The following CD1E variants were observed in gnomAD, a reference collection of about 807,000 sequenced individuals.
CD1E encodes CD1e molecule.
In CD1E, 49 loss-of-function variants were observed where a neutral mutation model predicts 40.1. The observed-to-expected ratio is 1.22, with a 90% confidence interval of 0.97 to 1.55. CD1E has a LOEUF of 1.55. Among genes scored for constraint, CD1E ranks in the 40% most tolerant of loss-of-function variants. CD1E has a pLI of 0.00. For missense variants in CD1E, 492 were observed against 471.3 expected (o/e 1.04, Z -0.41); for synonymous variants, 189 against 178.3 (o/e 1.06, Z -0.48).
In CD1E at chr1:158,356,947, C is replaced by G. The variant is rs370135694; in HGVS notation, c.*51C>G. ...TCCTTGTCTGCATCTTCTTAAACAC[C>G]GTCCATGTCCCATAAGGGAAGCATG... On this transcript the variant is annotated 3_prime_UTR_variant, in exon 6 of 6. Transcript: ENST00000368167. The G allele has an allele frequency of 1.9e-4, 272 of 1,441,542 alleles. No individual in the cohort carries two copies. Among genetic ancestry groups the G allele is most frequent in the Middle Eastern group, 3.5e-4 (2 of 5,722 alleles). The allele number at this position is 1,441,542 out of a possible 1,614,324, so 89.3% of individuals were successfully genotyped here. A position where few individuals can be genotyped will look rare whatever the true frequency, so the allele number is the denominator to read the frequency against.
rs1386252309 is a variant in CD1E, at chr1:158,356,097, T to G, written c.896T>G (p.Ile299Ser). Residue 299 changes from isoleucine to serine, a missense_variant, in exon 4 of 6, where the codon ATC becomes AGC. By Grantham distance (142) the Ile-to-Ser change is moderately radical. Transcript: ENST00000368167. ...AGTCTAGGGGGCCATGATCTAATCA[T>G]CCATTGGGGTGAGAAACAGCTGAGG... is the stretch of plus-strand genomic sequence containing the variant. ...HSSLGGHDLIIHWGGYSIFLI... is the reference protein window; with the variant it reads ...HSSLGGHDLISHWGGYSIFLI... 2 of 1,613,488 alleles carry G rather than the reference T, an allele frequency of 1.2e-6. No individual in the cohort carries two copies. The highest frequency in any genetic ancestry group is 1.7e-6 in the Non-Finnish European group (2 of 1,179,724).
chr1:158,355,204 A>C (rs1295181175), intron 2 of CD1E, 96 bp from the exon 3 acceptor site: 1 of 1,272,578 alleles, frequency 7.9e-7, no homozygotes, highest in Non-Finnish European at 1.1e-6. Context: ...TTCCCAGCAA[A>C]TTTTTCTTCC....
At position 158,354,503 on chromosome 1, in the gene CD1E, T is replaced by G; in HGVS notation, c.185T>G (p.Leu62Arg). Residue 62 changes from leucine (L) to arginine (R), a missense_variant, in exon 2 of 6, where the codon CTG becomes CGG. By Grantham distance (102) the Leu-to-Arg change is moderately radical. Coordinates refer to ENST00000368167, the MANE Select transcript of CD1E (RefSeq NM_030893.4). Reference sequence around the variant, plus strand: ...GAGGGCTCAGGATGGCTGGGTGACCTGCAGACTCATGGCTGGGACACTGTC... The same window carrying G: ...GAGGGCTCAGGATGGCTGGGTGACCGGCAGACTCATGGCTGGGACACTGTC... Reference protein sequence around the residue: ...HSEGSGWLGDLQTHGWDTVLG... With the variant: ...HSEGSGWLGDRQTHGWDTVLG... 6.2e-7 allele frequency: 1 copy of G among 1,614,138 alleles called. No individual in the cohort carries two copies. The highest frequency in any genetic ancestry group is 8.5e-7 in the Non-Finnish European group (1 of 1,180,022).
intron 3 of CD1E, 81 bp downstream of exon 3, chr1:158,355,650 A>G: frequency 6.7e-7 from 1 of 1,496,744 alleles, no homozygotes; most frequent in Non-Finnish European, 9.0e-7. Flanking sequence ...CATCATTTTG[A>G]AAGACATAGT....
rs761235919 is a variant in CD1E at position 158,354,419 on chromosome 1, A to C, written c.101A>C (p.Gln34Pro). The change falls in exon 2 of 6, where the codon CAG becomes CCG. Residue 34 changes from glutamine (Q) to proline (P), a missense_variant. By Grantham distance (76) the Gln-to-Pro change is moderately conservative. Transcript: ENST00000368167. ...TCCTATCATCTAGCAGCAGAGGAGC[A>C]GCTGTCCTTCCGCATGCTCCAAACT... ...LQSYHLAAEE[Q>P]LSFRMLQTSS... The C allele has an allele frequency of 1.9e-6, 3 of 1,613,618 alleles. No individual in the cohort carries two copies. The African/African-American group carries it at 4.0e-5, about 22-fold the overall frequency.
In CD1E at chr1:158,355,345, C is replaced by T. The variant is rs746199464; in HGVS notation, c.401C>T (p.Pro134Leu). 1 of 1,613,940 alleles carries T rather than the reference C, an allele frequency of 6.2e-7. No individual in the cohort carries two copies. The highest frequency in any genetic ancestry group is 8.5e-7 in the Non-Finnish European group (1 of 1,179,880). ...QILAGCRMNA[P>L]QIFLNMAYQG... ...TTAGCTGGCTGTAGAATGAATGCCC[C>T]ACAAATCTTCTTAAATATGGCATAT... is the stretch of plus-strand genomic sequence containing the variant. The change falls in exon 3 of 6, where the codon CCA becomes CTA. Residue 134 changes from proline to leucine, a missense_variant. Pro to Leu is a moderately conservative substitution (Grantham distance 98, BLOSUM62 -3). Transcript: ENST00000368167.
In CD1E at chr1:158,354,641, T is replaced by G; in HGVS notation, c.323T>G (p.Val108Gly). 1 of 1,613,566 alleles carries G rather than the reference T, an allele frequency of 6.2e-7. No homozygotes were observed. Among genetic ancestry groups the G allele is most frequent in the South Asian group, 1.1e-5 (1 of 90,996 alleles). Residue 108 changes from valine (V) to glycine (G), a missense_variant, in exon 2 of 6, where the codon GTG becomes GGG. By Grantham distance (109) the Val-to-Gly change is moderately radical. Transcript: ENST00000368167. ...TACTTCCATAGTTTTATCCAGATAG[T>G]GCAAGCTTCTGCTGGTCAATTTCAG... Reference protein sequence around the residue: ...QLYFHSFIQIVQASAGQFQLE... With the variant: ...QLYFHSFIQIGQASAGQFQLE...
Position 158,355,995 on chromosome 1 carries a change from A to G in CD1E, c.794A>G (p.Glu265Gly). The change falls in exon 4 of 6, where the codon GAG (glutamate) becomes GGG (glycine). Residue 265 changes from glutamate to glycine, a missense_variant. Glu to Gly is a moderately conservative substitution (Grantham distance 98). Transcript: ENST00000368167. ...GGGGACGTCCTGCCTAATGCTGACG[A>G]GACATGGTATCTCCGAGCAACCCTG... ...QRGDVLPNAD[E>G]TWYLRATLDV... 6.2e-7 allele frequency: 1 copy of G among 1,614,122 alleles called. No individual in the cohort carries two copies. Among genetic ancestry groups the G allele is most frequent in the Non-Finnish European group, 8.5e-7 (1 of 1,180,030 alleles).
chr1:158,356,456 A>C, intron 4 of CD1E, 42 bp from the exon 5 acceptor site: 2 of 1,424,906 alleles, frequency 1.4e-6, no homozygotes, highest in Non-Finnish European at 2.0e-6. Context: ...TTGGTGGAAT[A>C]GAGTATTTTA....
In CD1E at chr1:158,356,899, T is replaced by C. The variant is rs1235233091; in HGVS notation, c.*3T>C. The C allele has an allele frequency of 2.5e-6, 4 of 1,613,154 alleles. No homozygotes were observed. Among genetic ancestry groups the C allele is most frequent in the Non-Finnish European group, 3.4e-6 (4 of 1,179,332 alleles). On this transcript the variant is annotated 3_prime_UTR_variant, in exon 6 of 6. Coordinates refer to ENST00000368167, the MANE Select transcript of CD1E (RefSeq NM_030893.4). ...CACGCCTAAACCAACTCTGGTGACA[T>C]TTGCTTTACCTTATACATAAAATCC... is the stretch of plus-strand genomic sequence containing the variant.
At chr1:158,356,462 T>A in intron 4 of CD1E, 36 bp from the exon 5 acceptor site, 1 of 1,473,670 alleles carries the variant, frequency 6.8e-7, no homozygotes, top group Non-Finnish European at 9.5e-7. Context: ...GAATAGAGTA[T>A]TTTAGGGTTG....
In CD1E at chr1:158,355,491, C is replaced by T; in HGVS notation, c.547C>T (p.Gln183Ter). 6.2e-7 allele frequency: 1 copy of T among 1,614,138 alleles called. No individual in the cohort carries two copies. Among genetic ancestry groups the T allele is most frequent in the Non-Finnish European group, 8.5e-7 (1 of 1,180,004 alleles). ...CTACCTAGATATTAAGGAAATACTG[C>T]AAAGCCTTCTTGGTCACACCTGCCC... ...NRYLDIKEIL[Q>*]SLLGHTCPRF... The change falls in exon 3 of 6, where the codon CAA becomes TAA. Residue 183 changes from glutamine to a stop codon, truncating the protein, a stop_gained. Transcript: ENST00000368167. LOFTEE classifies it high-confidence loss of function.
At chr1:158,355,246 T>C in intron 2 of CD1E, 54 bp from the exon 3 acceptor site, 1 of 1,559,476 alleles carries the variant, frequency 6.4e-7, no homozygotes, top group Non-Finnish European at 8.7e-7. Flanking sequence ...AATTGTTTGT[T>C]TTTCTTCCTT....
At chr1:158,356,382 G>T in intron 4 of CD1E, 116 bp from the exon 5 acceptor site, 1 of 892,228 alleles carries the variant, frequency 1.1e-6, no homozygotes, top group Non-Finnish European at 1.7e-6. Flanking sequence ...TGAAATGAGG[G>T]CTTTGGAAAA....
chr1:158,356,755 C>T lies in CD1E; in HGVS notation c.1026C>T (p.His342=). 10 of 1,613,758 alleles carry T rather than the reference C, an allele frequency of 6.2e-6. No homozygotes were observed. Among genetic ancestry groups the T allele is most frequent in the Non-Finnish European group, 7.6e-6 (9 of 1,179,948 alleles). The part of the protein sequence containing the change: ...QSSNKNILSP[H]TPSPVFLMGA... ...CAAATAAGAACATTCTTTCTCCCCA[C>T]ACACCCAGCCCTGTCTTTCTCATGG... Residue 342 remains histidine (H), a synonymous_variant, in exon 6 of 6, where the codon CAC becomes CAT. Transcript: ENST00000368167.
chr1:158,356,206 G>C (rs1653658811), intron 4 of CD1E, 101 bp downstream of exon 4: 1 of 1,313,706 alleles, frequency 7.6e-7, no homozygotes, highest in Non-Finnish European at 1.1e-6. Flanking sequence ...GTACAAGAAG[G>C]GTAAAACTGG....
At position 158,354,247 on chromosome 1, in the gene CD1E, A is replaced by G. The variant is rs1237573470; in HGVS notation, c.59-130A>G. 13 of 993,400 alleles carry G rather than the reference A, an allele frequency of 1.3e-5. No homozygotes were observed. The Admixed American group carries it at 3.0e-4, about 23-fold the overall frequency. 61.5% of individuals were successfully genotyped at this position (993,400 alleles called of 1,614,324 possible). On this transcript the variant is annotated intron_variant, in intron 1 of 5. Transcript: ENST00000368167. ...ATTTTGGAGAAAGGAAGCTGGCCCCACAGGAAAAGGGTATTGGAGTATGTA... is the reference window on the plus strand; with the variant it reads ...ATTTTGGAGAAAGGAAGCTGGCCCCGCAGGAAAAGGGTATTGGAGTATGTA...
chr1:158,354,169 C>G (rs1420266579), intron 1 of CD1E, 123 bp downstream of exon 1: 96 of 958,370 alleles, frequency 1.0e-4, no homozygotes, highest in Non-Finnish European at 1.1e-4. Flanking sequence ...ATATGCCTTT[C>G]AGGCTAGTTC....
At position 158,356,049 on chromosome 1, in the gene CD1E, T is replaced by G; in HGVS notation, c.848T>G (p.Leu283Arg). 1 of 1,614,044 alleles carries G rather than the reference T, an allele frequency of 6.2e-7. No homozygotes were observed. The highest frequency in any genetic ancestry group is 8.5e-7 in the Non-Finnish European group (1 of 1,179,944). The change falls in exon 4 of 6, where the codon CTG (leucine) becomes CGG (arginine). Residue 283 changes from leucine to arginine, a missense_variant. Transcript: ENST00000368167. ...LDVAAGEAAG[L>R]SCRVKHSSLG... The stretch of plus-strand genomic sequence containing the variant: ...GTGGCGGCTGGGGAGGCAGCTGGCC[T>G]GTCCTGTCGGGTGAAACACAGCAGT...
Sources: gnomAD v4.1 joint callset for allele counts on GRCh38, gnomAD v4.1.1 for gene constraint, MANE v1.5 for transcripts, NCBI Gene and HGNC (gene_info 2026-07-23, HGNC 2026-07-21) for gene names.